Variants in ATXN7 observed in about 807,000 individuals in gnomAD.
ATXN7 encodes the protein ataxin-7.
In ATXN7, 12 loss-of-function variants were observed where a neutral mutation model predicts 70.5. The ratio of observed to expected loss-of-function variants is 0.17; its 90% CI spans 0.11 to 0.28. ATXN7 has a LOEUF of 0.28. Among genes scored for constraint, ATXN7 ranks in the 10% least tolerant of loss-of-function variants. The pLI is 1.00. For missense variants in ATXN7, 1,256 were observed against 1,131.7 expected (o/e 1.11, Z -1.58); for synonymous variants, 498 against 448.7 (o/e 1.11, Z -1.39).
chr3:63,998,627 T>A, intron 12 of ATXN7: 1 of 985,422 alleles, frequency 1.0e-6, no homozygotes, highest in Non-Finnish European at 1.2e-6. Context: ...CTTTTTATTA[T>A]GCTACACAAA....
At position 63,936,556 on chromosome 3, in the gene ATXN7, T is replaced by G. The variant is rs533233369; in HGVS notation, c.395-15823T>G. Among the ~76,000 whole-genome samples, 957 of 152,338 alleles carry G rather than the reference T, an allele frequency of 6.3e-3. 13 individuals carry two copies. Among genetic ancestry groups the G allele is most frequent in the South Asian group, 0.014 (67 of 4,832 alleles). ...ACGCTAGTCAAGAGACTGTCGTGTT[T>G]ACCTTTGAAGTGCTGGAAATATATC... On this transcript the variant is annotated intron_variant, in intron 4 of 12. Coordinates refer to ENST00000674280, the MANE Select transcript of ATXN7 (RefSeq NM_001377405.1).
chr3:63,955,914 G>A (rs2075031499), intron 5 of ATXN7, among the ~76,000 whole-genome samples: 1 of 152,202 alleles, frequency 6.6e-6, no homozygotes, highest in Non-Finnish European at 1.5e-5. Flanking sequence ...AGCAAGTCTT[G>A]TAAAATCAGT....
chr3:63,997,266 A>G (rs2075776258), intron 12 of ATXN7, among the ~76,000 whole-genome samples: 1 of 152,072 alleles, frequency 6.6e-6, no homozygotes, highest in Non-Finnish European at 1.5e-5. Context: ...AAAAAAGAGC[A>G]TTTATTATTT....
intron 6 of ATXN7, 61 bp from the exon 7 acceptor site, chr3:63,982,125 C>T: frequency 6.2e-7 from 1 of 1,606,716 alleles, no homozygotes. Context: ...TCTGGCTCAC[C>T]ATTCACCTGG....
At chr3:63,876,504 A>T (rs920768920) in intron 1 of ATXN7, among the ~76,000 whole-genome samples, 1 of 152,180 alleles carries the variant, frequency 6.6e-6, no homozygotes, top group African/African-American at 2.4e-5. Flanking sequence ...AAAGATGTTT[A>T]TGGTTTCCAA....
intron 1 of ATXN7, among the ~76,000 whole-genome samples, chr3:63,890,030 A>G (rs1386031725): frequency 3.3e-5 from 5 of 152,236 alleles, no homozygotes; most frequent in Non-Finnish European, 5.9e-5. Context: ...ACAATCATTT[A>G]TTGACCATCA....
chr3:63,988,277 G>A lies in ATXN7; in HGVS notation c.1314G>A (p.Lys438=), dbSNP rs762331720. 1.2e-6 allele frequency: 2 copies of A among 1,614,066 alleles called. No individual in the cohort carries two copies. The highest frequency in any genetic ancestry group is 1.3e-5 in the African/African-American group (1 of 75,006). The stretch of plus-strand genomic sequence containing the variant: ...ACGGAGTGATTCCTTCCGAATCAAA[G>A]CCTTTTGTAGCTAGTAAACCTAAAC... ...NPHGVIPSES[K]PFVASKPKPH... is the part of the protein sequence containing the mutation. Residue 438 remains lysine, a synonymous_variant, in exon 9 of 13, where the codon AAG becomes AAA. Transcript: ENST00000674280.
At chr3:63,932,739 A>T (rs1191528685) in intron 4 of ATXN7, among the ~76,000 whole-genome samples, 3 of 152,134 alleles carry the variant, frequency 2.0e-5, no homozygotes, top group Non-Finnish European at 4.4e-5. Flanking sequence ...TTCCCCAAGA[A>T]AGAGAAAATT....
chr3:63,972,694 G>A (rs923816104), intron 5 of ATXN7, among the ~76,000 whole-genome samples: 9 of 152,124 alleles, frequency 5.9e-5, no homozygotes, highest in African/African-American at 9.7e-5. Context: ...TTTTTGTTTG[G>A]TGTGAATTTG....
intron 1 of ATXN7, among the ~76,000 whole-genome samples, chr3:63,872,768 T>G (rs1702636092): frequency 6.6e-6 from 1 of 152,224 alleles, no homozygotes; most frequent in Admixed American, 6.5e-5. Flanking sequence ...TTGCCATGAT[T>G]GATAAAACTC....
rs529912947 is a variant in ATXN7 at position 63,924,238 on chromosome 3, T to C, written c.394+11013T>C. On this transcript the variant is annotated intron_variant, in intron 4 of 12. Transcript: ENST00000674280. Reference sequence around the variant, plus strand: ...TAATGAACTGAGGAATGCTGGCGAATGTGGGAGACTTAGGGTCAGCAGCTC... The same window carrying C: ...TAATGAACTGAGGAATGCTGGCGAACGTGGGAGACTTAGGGTCAGCAGCTC... Among the ~76,000 whole-genome samples the C allele has an allele frequency of 3.9e-5, 6 of 152,226 alleles. No individual in the cohort carries two copies. The East Asian group carries it at 1.2e-3, about 29-fold the overall frequency.
At chr3:63,962,111 G>T (rs1259062846) in intron 5 of ATXN7, among the ~76,000 whole-genome samples, 1 of 152,064 alleles carries the variant, frequency 6.6e-6, no homozygotes, top group Non-Finnish European at 1.5e-5. Flanking sequence ...AGACTGGTTT[G>T]GGAGGGGCCC....
intron 4 of ATXN7, among the ~76,000 whole-genome samples, 166 bp downstream of exon 4, chr3:63,913,391 G>A (rs1237248261): frequency 1.3e-5 from 2 of 152,134 alleles, no homozygotes; most frequent in Non-Finnish European, 2.9e-5. Flanking sequence ...TGGAAAGTTT[G>A]GTTTGGGGGC....
In ATXN7 at chr3:63,880,583, A is replaced by G. The variant is rs185096819; in HGVS notation, c.-111+16425A>G. 5.3e-5 allele frequency among the ~76,000 whole-genome samples: 8 copies of G among 152,256 alleles called. No individual in the cohort carries two copies. The East Asian group carries it at 1.5e-3, about 29-fold the overall frequency. On this transcript the variant is annotated intron_variant, in intron 1 of 12. Transcript: ENST00000674280. ...GTCTCACCAAGTGCTCTGGCTTTTT[A>G]GTTCCTTGAACTTGCTGTTCTTCCT...
chr3:63,885,350 A>G (rs1383429282), intron 1 of ATXN7, among the ~76,000 whole-genome samples: 1 of 152,228 alleles, frequency 6.6e-6, no homozygotes, highest in Non-Finnish European at 1.5e-5. Context: ...GATGCTCAAT[A>G]TCACTAATCA....
intron 2 of ATXN7, among the ~76,000 whole-genome samples, chr3:63,910,868 G>A (rs1435015712): frequency 6.6e-6 from 1 of 151,934 alleles, no homozygotes; most frequent in East Asian, 1.9e-4. Context: ...GTGTGTGTGT[G>A]CGCTTTTAAA....
intron 8 of ATXN7, 86 bp downstream of exon 8, chr3:63,983,107 A>T: frequency 9.2e-7 from 1 of 1,085,290 alleles, no homozygotes; most frequent in Non-Finnish European, 1.4e-6. Context: ...AGTCTCTCTA[A>T]CCCAGAGAAG....
At chr3:63,962,352 A>G (rs2075145051) in intron 5 of ATXN7, among the ~76,000 whole-genome samples, 1 of 151,966 alleles carries the variant, frequency 6.6e-6, no homozygotes, top group Non-Finnish European at 1.5e-5. Context: ...TTGGAATGAA[A>G]TTTGTTTCGT....
At chr3:63,981,392 A>T (rs779104363) in intron 6 of ATXN7, among the ~76,000 whole-genome samples, 1 of 152,172 alleles carries the variant, frequency 6.6e-6, no homozygotes, top group African/African-American at 2.4e-5. Context: ...TAGAGCACTG[A>T]CTCCACTGAA....
Sources: gnomAD v4.1 joint callset for allele counts (sites outside exome capture counted in the v4.1 genomes callset) on GRCh38, gnomAD v4.1.1 for gene constraint, MANE v1.5 for transcripts, NCBI Gene and HGNC (gene_info 2026-07-23, HGNC 2026-07-21) for gene names.